Variants in PPP4R4 observed in about 807,000 individuals in gnomAD.
PPP4R4 encodes protein phosphatase 4 regulatory subunit 4, also known as serine/threonine-protein phosphatase 4 regulatory subunit 4.
A neutral mutation model predicts 121.8 loss-of-function variants in PPP4R4; 70 were observed. The observed-to-expected ratio is 0.57, with a 90% confidence interval of 0.47 to 0.70. PPP4R4 has a LOEUF of 0.70. Ranked by LOEUF, PPP4R4 falls within the 30% of genes least tolerant of loss-of-function variation. PPP4R4 has a pLI of 0.00. For synonymous variants in PPP4R4, 348 were observed against 355.7 expected, an observed-to-expected ratio of 0.98 and a Z score of 0.24; for missense variants, 875 against 1,033.6, an observed-to-expected ratio of 0.85 and a Z score of 2.10.
At chr14:94,230,757 T>C in intron 4 of PPP4R4, 23 bp downstream of exon 4, 1 of 1,588,778 alleles carries the variant, frequency 6.3e-7, no homozygotes, top group Non-Finnish European at 8.6e-7. Flanking sequence ...GCATGCTTAA[T>C]TATATACTTG....
intron 1 of PPP4R4, chr14:94,175,403 A>ACC (rs1317326096): frequency 6.9e-6 from 1 of 144,668 alleles, no homozygotes; most frequent in African/African-American, 2.6e-5. Flanking sequence ...TGCTCCCCCC[A>ACC]CCCCTACTGG....
At chr14:94,213,920 A>G (rs894587955) in intron 3 of PPP4R4, among the ~76,000 whole-genome samples, 2 of 152,182 alleles carry the variant, frequency 1.3e-5, no homozygotes, top group Non-Finnish European at 2.9e-5. Context: ...AATGAAAGTA[A>G]CTTCCCATTT....
chr14:94,208,231 T>C (rs991701449), intron 2 of PPP4R4, among the ~76,000 whole-genome samples: 11 of 152,144 alleles, frequency 7.2e-5, no homozygotes, highest in Non-Finnish European at 1.0e-4. Flanking sequence ...ACAATCTTGT[T>C]TCAGCACAAG....
At chr14:94,276,204 T>A (rs188381227) in intron 24 of PPP4R4, among the ~76,000 whole-genome samples, 1 of 152,376 alleles carries the variant, frequency 6.6e-6, no homozygotes, top group Admixed American at 6.5e-5. Context: ...ATAGGACACC[T>A]GAACCTTCTG....
At chr14:94,212,486 A>G (rs1032908023) in intron 3 of PPP4R4, among the ~76,000 whole-genome samples, 2 of 152,180 alleles carry the variant, frequency 1.3e-5, no homozygotes, top group Admixed American at 6.5e-5. Context: ...ATGGTAGTGC[A>G]GTTAGGCCAC....
Position 94,196,309 on chromosome 14 carries a change from GTT to G in PPP4R4, c.192-12136_192-12135del, listed in dbSNP as rs5810663. On this transcript the variant is annotated intron_variant, in intron 2 of 24. Coordinates refer to ENST00000304338, the MANE Select transcript of PPP4R4 (RefSeq NM_058237.2). ...AAGCCTGTATTACTTTCTTTCAAAG[GTT>G]TTTTTTTTTTTTTTTTTTGGAGACA... 5.5e-4 allele frequency among the ~76,000 whole-genome samples: 49 copies of G among 88,352 alleles called. No homozygotes were observed. In the East Asian group the frequency reaches 7.6e-3, roughly 14 times the overall value. The allele number at this position is 88,352 out of a possible 152,430, so 58.0% of individuals were successfully genotyped here.
chr14:94,227,924 AT>A, intron 3 of PPP4R4: 1 of 962,018 alleles, frequency 1.0e-6, no homozygotes, highest in African/African-American at 1.8e-5. Flanking sequence ...TGTGGAAGAA[AT>A]GTTTCTTTTG....
At chr14:94,178,256 C>CT (rs918197223) in intron 2 of PPP4R4, among the ~76,000 whole-genome samples, 3 of 151,792 alleles carry the variant, frequency 2.0e-5, no homozygotes, top group Non-Finnish European at 2.9e-5. Flanking sequence ...TTGCTGAGTC[C>CT]TTTTTTCCGT....
intron 13 of PPP4R4, among the ~76,000 whole-genome samples, chr14:94,245,930 T>A (rs1892870653): frequency 6.6e-6 from 1 of 152,180 alleles, no homozygotes; most frequent in Non-Finnish European, 1.5e-5. Flanking sequence ...TCATTAGCAT[T>A]AATGATTATT....
chr14:94,272,310 A>C (rs972599732), intron 23 of PPP4R4, among the ~76,000 whole-genome samples: 1 of 152,212 alleles, frequency 6.6e-6, no homozygotes, highest in African/African-American at 2.4e-5. Context: ...AAGAATAGTC[A>C]AACAGATTGA....
intron 2 of PPP4R4, among the ~76,000 whole-genome samples, chr14:94,199,240 A>G (rs1353787458): frequency 2.0e-5 from 3 of 152,232 alleles, no homozygotes; most frequent in Non-Finnish European, 4.4e-5. Context: ...TTTTCTAAAT[A>G]TATTTCATAT....
rs529282518 is a variant in PPP4R4 at position 94,242,642 on chromosome 14, A to AT, written c.1266+235dup. 8.7e-4 allele frequency among the ~76,000 whole-genome samples: 133 copies of AT among 152,272 alleles called. 1 individual carries two copies. Among genetic ancestry groups the AT allele is most frequent in the Admixed American group, 7.4e-3 (113 of 15,286 alleles). Reference sequence around the variant, plus strand: ...TTTTATTAACCCATTCATTCAGCATATCTATACCAAGTGTTTAAACCAGAC... The same window carrying AT: ...TTTTATTAACCCATTCATTCAGCATATTCTATACCAAGTGTTTAAACCAGAC... On this transcript the variant is annotated intron_variant, in intron 11 of 24. Coordinates refer to ENST00000304338, the MANE Select transcript of PPP4R4 (RefSeq NM_058237.2).
chr14:94,190,756 T>G (rs1307178226), intron 2 of PPP4R4, among the ~76,000 whole-genome samples: 1 of 152,206 alleles, frequency 6.6e-6, no homozygotes, highest in African/African-American at 2.4e-5. Context: ...TAGTTATTCC[T>G]GAACTAATGT....
chr14:94,266,821 A>C, intron 22 of PPP4R4, 138 bp from the exon 23 acceptor site: 3 of 610,942 alleles, frequency 4.9e-6, no homozygotes, highest in Non-Finnish European at 8.5e-6. Context: ...ATATAAAAAA[A>C]ATGAGAAATA....
In PPP4R4 at chr14:94,253,750, A is replaced by T. The variant is rs548489344; in HGVS notation, c.1865+1854A>T. 3.9e-5 allele frequency among the ~76,000 whole-genome samples: 6 copies of T among 152,334 alleles called. No homozygotes were observed. The South Asian group carries it at 1.2e-3, about 32-fold the overall frequency. ...AAATATTACTCTATTAATTTCAGAGATCTGCAGGGCAGCAGATTATTGTAT... is the reference window on the plus strand; with the variant it reads ...AAATATTACTCTATTAATTTCAGAGTTCTGCAGGGCAGCAGATTATTGTAT... On this transcript the variant is annotated intron_variant, in intron 16 of 24. Transcript: ENST00000304338.
chr14:94,261,172 T>C (rs1260548148), intron 19 of PPP4R4, among the ~76,000 whole-genome samples: 1 of 152,178 alleles, frequency 6.6e-6, no homozygotes. Flanking sequence ...AATACCAAAC[T>C]GTCTTGATCA....
chr14:94,223,625 A>G (rs894518341), intron 3 of PPP4R4, among the ~76,000 whole-genome samples: 1 of 152,138 alleles, frequency 6.6e-6, no homozygotes, highest in African/African-American at 2.4e-5. Context: ...TGTCTCTTAG[A>G]TCTTGGAAGG....
chr14:94,214,361 A>G (rs530267739), intron 3 of PPP4R4, among the ~76,000 whole-genome samples: 1 of 152,214 alleles, frequency 6.6e-6, no homozygotes, highest in Non-Finnish European at 1.5e-5. Context: ...GACATAATCA[A>G]TGTGAAATGT....
intron 24 of PPP4R4, among the ~76,000 whole-genome samples, chr14:94,276,826 T>TA (rs1375583199): frequency 1.3e-5 from 2 of 152,158 alleles, no homozygotes; most frequent in African/African-American, 4.8e-5. Flanking sequence ...ATAAATTTAT[T>TA]GACTAGAGCT....
Sources: gnomAD v4.1 joint callset for allele counts (sites outside exome capture counted in the v4.1 genomes callset) on GRCh38, gnomAD v4.1.1 for gene constraint, MANE v1.5 for transcripts, NCBI Gene and HGNC (gene_info 2026-07-23, HGNC 2026-07-21) for gene names.